OXCT1: variants seen among roughly 807,000 people sequenced by gnomAD.
OXCT1 encodes the protein 3-oxoacid CoA-transferase 1, also known as succinyl-CoA:3-ketoacid coenzyme A transferase 1, mitochondrial.
In OXCT1, 27 loss-of-function variants were observed where a neutral mutation model predicts 69.6. That is an observed-to-expected ratio of 0.39 (90% CI 0.29 to 0.54). The LOEUF (loss-of-function observed/expected upper bound fraction) is 0.54, where lower values mean the gene tolerates loss of function less well. Among genes scored for constraint, OXCT1 ranks in the 20% least tolerant of loss-of-function variants. OXCT1 has a pLI of 0.72. For missense variants in OXCT1, 437 were observed against 650.2 expected (o/e 0.67, Z 3.57); for synonymous variants, 202 against 217.8 (o/e 0.93, Z 0.64).
At chr5:41,737,344 C>A (rs1357839040) in intron 16 of OXCT1, among the ~76,000 whole-genome samples, 1 of 152,080 alleles carries the variant, frequency 6.6e-6, no homozygotes, top group African/African-American at 2.4e-5. Flanking sequence ...GAAAACAAAG[C>A]AAGAACAGTA....
At chr5:41,830,665 G>A (rs1462235441) in intron 7 of OXCT1, among the ~76,000 whole-genome samples, 1 of 152,144 alleles carries the variant, frequency 6.6e-6, no homozygotes. Context: ...GGGATCTAAT[G>A]AAGTTTTTCA....
chr5:41,772,933 A>T (rs1227209412), intron 13 of OXCT1, among the ~76,000 whole-genome samples: 1 of 152,184 alleles, frequency 6.6e-6, no homozygotes, highest in Non-Finnish European at 1.5e-5. Context: ...GAGTCCCAAA[A>T]GGGAAAAGCA....
chr5:41,869,527 G>T (rs1042149375), intron 1 of OXCT1, among the ~76,000 whole-genome samples: 1 of 152,186 alleles, frequency 6.6e-6, no homozygotes, highest in African/African-American at 2.4e-5. Flanking sequence ...AGTCGGCAGT[G>T]GGGCACAAAA....
intron 7 of OXCT1, among the ~76,000 whole-genome samples, chr5:41,808,175 T>G (rs537573547): frequency 1.6e-4 from 24 of 152,076 alleles, no homozygotes; most frequent in African/African-American, 5.5e-4. Flanking sequence ...CATAAAACAG[T>G]TCAAAAGAAC....
At chr5:41,779,777 G>GT (rs1181612551) in intron 13 of OXCT1, among the ~76,000 whole-genome samples, 1 of 149,818 alleles carries the variant, frequency 6.7e-6, no homozygotes, top group African/African-American at 2.5e-5. Context: ...AATGTAAAGA[G>GT]TAACTCCTCC....
chr5:41,807,183 T>C, intron 8 of OXCT1, 148 bp downstream of exon 8: 1 of 666,904 alleles, frequency 1.5e-6, no homozygotes. Flanking sequence ...CATATCCCCA[T>C]GATGATAGAC....
intron 3 of OXCT1, among the ~76,000 whole-genome samples, chr5:41,859,889 A>AATATATATATATATATATATATGTT (rs113518106): frequency 2.3e-5 from 2 of 88,656 alleles, no homozygotes; most frequent in African/African-American, 6.9e-5. Context: ...ATATATATGT[A>AATATATATATATATATATATATGTT]ATATATATAT....
chr5:41,754,944 T>A (rs560585161), intron 14 of OXCT1, among the ~76,000 whole-genome samples: 1 of 152,242 alleles, frequency 6.6e-6, no homozygotes, highest in Admixed American at 6.5e-5. Context: ...AGGCCCCTTA[T>A]ACACTGTATC....
chr5:41,766,734 T>C (rs556080129), intron 13 of OXCT1, among the ~76,000 whole-genome samples: 1 of 152,296 alleles, frequency 6.6e-6, no homozygotes, highest in African/African-American at 2.4e-5. Context: ...TTCTTGCCGT[T>C]ACCTTTATCA....
At chr5:41,799,028 G>C (rs1274728601) in intron 11 of OXCT1, among the ~76,000 whole-genome samples, 1 of 152,164 alleles carries the variant, frequency 6.6e-6, no homozygotes, top group African/African-American at 2.4e-5. Flanking sequence ...ATGTGAAAAA[G>C]TATGCTCTAA....
intron 9 of OXCT1, among the ~76,000 whole-genome samples, chr5:41,804,405 A>C (rs780002184): frequency 1.7e-4 from 26 of 152,228 alleles, no homozygotes; most frequent in Non-Finnish European, 3.2e-4. Context: ...GGTTGAAAAA[A>C]AGTAGGAGAT....
chr5:41,751,530 T>C (rs768604854), intron 14 of OXCT1, among the ~76,000 whole-genome samples: 3 of 152,152 alleles, frequency 2.0e-5, no homozygotes, highest in Non-Finnish European at 4.4e-5. Context: ...TGCCCCCCAC[T>C]GTCTCTGTAA....
At chr5:41,766,331 C>T (rs1744596791) in intron 13 of OXCT1, among the ~76,000 whole-genome samples, 1 of 151,972 alleles carries the variant, frequency 6.6e-6, no homozygotes, top group Non-Finnish European at 1.5e-5. Flanking sequence ...CCTCAATTCA[C>T]AAGTATTTAC....
intron 15 of OXCT1, among the ~76,000 whole-genome samples, chr5:41,746,572 C>T (rs553790248): frequency 1.3e-5 from 2 of 152,120 alleles, no homozygotes; most frequent in South Asian, 2.1e-4. Flanking sequence ...AAGTTCCAGA[C>T]GTAGATGCTC....
chr5:41,809,631 A>G (rs1746864424), intron 7 of OXCT1, among the ~76,000 whole-genome samples: 1 of 152,000 alleles, frequency 6.6e-6, no homozygotes, highest in Non-Finnish European at 1.5e-5. Flanking sequence ...GCAGGGGCAA[A>G]GAACATAATA....
chr5:41,819,519 C>G (rs1158105016), intron 7 of OXCT1, among the ~76,000 whole-genome samples: 1 of 152,012 alleles, frequency 6.6e-6, no homozygotes, highest in South Asian at 2.1e-4. Context: ...TACAGGCATG[C>G]GCCACCACAC....
intron 7 of OXCT1, among the ~76,000 whole-genome samples, chr5:41,835,266 T>G (rs1748295619): frequency 1.3e-5 from 2 of 152,152 alleles, no homozygotes; most frequent in South Asian, 4.1e-4. Context: ...CTATCAAGAT[T>G]GAACCAGAAA....
At chr5:41,759,984 G>A (rs1744269936) in intron 14 of OXCT1, among the ~76,000 whole-genome samples, 1 of 152,092 alleles carries the variant, frequency 6.6e-6, no homozygotes, top group Admixed American at 6.6e-5. Context: ...GGCAGCAGAA[G>A]TTACCTGGCA....
chr5:41,863,742 C>T (rs1453891144), intron 1 of OXCT1, among the ~76,000 whole-genome samples: 1 of 152,128 alleles, frequency 6.6e-6, no homozygotes, highest in Non-Finnish European at 1.5e-5. Context: ...TTCTGGTAAC[C>T]CAATCTTCCA....
Sources: gnomAD v4.1 joint callset for allele counts (sites outside exome capture counted in the v4.1 genomes callset) on GRCh38, gnomAD v4.1.1 for gene constraint, MANE v1.5 for transcripts, NCBI Gene and HGNC (gene_info 2026-07-23, HGNC 2026-07-21) for gene names.